Variants in TBC1D4 observed in about 807,000 individuals in gnomAD.
TBC1D4 encodes the protein TBC (Tre-2, BUB2, CDC16) domain-containing protein.
Under a neutral mutation model 142.5 loss-of-function variants are expected in TBC1D4, and 121 were observed. The ratio of observed to expected loss-of-function variants is 0.85; its 90% CI spans 0.73 to 0.99. The LOEUF (loss-of-function observed/expected upper bound fraction) is 0.99. Ranked by LOEUF, TBC1D4 falls within the 50% of genes least tolerant of loss-of-function variation. The pLI is 0.00. For missense variants in TBC1D4, 1,475 were observed against 1,606.6 expected (o/e 0.92, Z 1.40); for synonymous variants, 630 against 628.2 (o/e 1.00, Z -0.04).
chr13:75,400,352 A>T (rs1885021261), intron 1 of TBC1D4, among the ~76,000 whole-genome samples: 2 of 152,120 alleles, frequency 1.3e-5, no homozygotes, highest in South Asian at 4.1e-4. Context: ...GTAGCTTCCT[A>T]ATATACCCAT....
chr13:75,337,138 G>C (rs868860624), intron 7 of TBC1D4, 98 bp from the exon 8 acceptor site: 1 of 1,088,856 alleles, frequency 9.2e-7, no homozygotes, highest in Non-Finnish European at 1.4e-6. Flanking sequence ...AAAAACACAA[G>C]AATTCTTCAG....
chr13:75,304,666 G>A (rs572838802), intron 15 of TBC1D4, among the ~76,000 whole-genome samples: 71 of 152,208 alleles, frequency 4.7e-4, no homozygotes, highest in South Asian at 6.2e-4. Flanking sequence ...GGCTTAAAGC[G>A]CAGGCAGCAG....
intron 1 of TBC1D4, among the ~76,000 whole-genome samples, chr13:75,477,559 A>C (rs1414104334): frequency 1.3e-5 from 2 of 149,216 alleles, no homozygotes; most frequent in African/African-American, 5.2e-5. Flanking sequence ...GGCAAATGTT[A>C]ATTAAAAATT....
At chr13:75,381,340 T>C (rs1883836549) in intron 1 of TBC1D4, among the ~76,000 whole-genome samples, 1 of 152,198 alleles carries the variant, frequency 6.6e-6, no homozygotes, top group South Asian at 2.1e-4. Context: ...CACTCAGTCA[T>C]TCACTGTCGA....
At chr13:75,387,802 T>C (rs951058718) in intron 1 of TBC1D4, among the ~76,000 whole-genome samples, 9 of 152,226 alleles carry the variant, frequency 5.9e-5, no homozygotes, top group African/African-American at 2.2e-4. Context: ...TGGTGTTCCA[T>C]GTAAAAGAGG....
chr13:75,360,392 T>C (rs1882406346), intron 2 of TBC1D4, among the ~76,000 whole-genome samples: 2 of 152,084 alleles, frequency 1.3e-5, no homozygotes, highest in South Asian at 4.2e-4. Context: ...CTAGAGAGGC[T>C]TTAATGACAT....
chr13:75,387,521 T>G (rs1473806982), intron 1 of TBC1D4, among the ~76,000 whole-genome samples: 1 of 152,204 alleles, frequency 6.6e-6, no homozygotes, highest in East Asian at 1.9e-4. Flanking sequence ...GGGGAAATAT[T>G]GGTTCACTGA....
At chr13:75,402,666 C>CACACAG (rs1371078840) in intron 1 of TBC1D4, among the ~76,000 whole-genome samples, 1 of 136,028 alleles carries the variant, frequency 7.4e-6, no homozygotes, top group Non-Finnish European at 1.5e-5. Context: ...CACACACACA[C>CACACAG]ACACACACAC....
chr13:75,473,034 G>A (rs376485802), intron 1 of TBC1D4, among the ~76,000 whole-genome samples: 4 of 152,198 alleles, frequency 2.6e-5, no homozygotes, highest in South Asian at 2.1e-4. Flanking sequence ...GTAAGCTGTC[G>A]CCCAGGTTGG....
chr13:75,346,350 A>C (rs887241755), intron 5 of TBC1D4, among the ~76,000 whole-genome samples: 1 of 150,036 alleles, frequency 6.7e-6, no homozygotes, highest in Non-Finnish European at 1.5e-5. Flanking sequence ...CCCTGTGTCT[A>C]TGTGTTCTCA....
At position 75,475,408 on chromosome 13, in the gene TBC1D4, G is replaced by C. The variant is rs561341735; in HGVS notation, c.498+5862C>G. ...TCAGACATGCCAATGTAGTCTAAAG[G>C]AAAGGGGACTCTGAAACTACCAGCC... On this transcript the variant is annotated intron_variant, in intron 1 of 20. Coordinates refer to ENST00000377636, the MANE Select transcript of TBC1D4 (RefSeq NM_014832.5). Among the ~76,000 whole-genome samples the C allele has an allele frequency of 7.0e-4, 106 of 152,348 alleles. 2 individuals are homozygous for C. In the South Asian group the frequency reaches 0.022, roughly 32 times the overall value.
intron 1 of TBC1D4, among the ~76,000 whole-genome samples, chr13:75,398,717 G>T (rs1422685255): frequency 6.6e-6 from 1 of 152,172 alleles, no homozygotes; most frequent in African/African-American, 2.4e-5. Context: ...CTCAGCAAAA[G>T]ATTTTTACAG....
intron 11 of TBC1D4, among the ~76,000 whole-genome samples, chr13:75,321,946 G>A (rs1878815499): frequency 6.6e-6 from 1 of 152,216 alleles, no homozygotes; most frequent in Non-Finnish European, 1.5e-5. Context: ...AATATAGGCT[G>A]TATCATTCCA....
chr13:75,371,797 A>G (rs376461061), intron 1 of TBC1D4, among the ~76,000 whole-genome samples: 2 of 152,184 alleles, frequency 1.3e-5, no homozygotes, highest in South Asian at 2.1e-4. Context: ...CCATTAGGAG[A>G]AACTGGGAGC....
intron 1 of TBC1D4, among the ~76,000 whole-genome samples, chr13:75,417,869 A>T (rs75274163): frequency 6.6e-6 from 1 of 152,196 alleles, no homozygotes; most frequent in Non-Finnish European, 1.5e-5. Flanking sequence ...CTATGTTCAC[A>T]TCGTGCCAAT....
At chr13:75,309,157 G>C (rs995378533) in intron 14 of TBC1D4, among the ~76,000 whole-genome samples, 1 of 152,102 alleles carries the variant, frequency 6.6e-6, no homozygotes. Flanking sequence ...TTCAGGTTAA[G>C]TGATTTTCCC....
chr13:75,435,341 T>A (rs1174167530), intron 1 of TBC1D4, among the ~76,000 whole-genome samples: 16 of 126,222 alleles, frequency 1.3e-4, no homozygotes, highest in South Asian at 2.5e-4. Flanking sequence ...AAAAAAAAAA[T>A]ACATAATTAC....
At chr13:75,439,304 T>C (rs1593886611) in intron 1 of TBC1D4, among the ~76,000 whole-genome samples, 1 of 152,210 alleles carries the variant, frequency 6.6e-6, no homozygotes, top group African/African-American at 2.4e-5. Flanking sequence ...TAAGGCCAAG[T>C]GTTGTGATAA....
At chr13:75,391,741 C>A (rs1408857914) in intron 1 of TBC1D4, among the ~76,000 whole-genome samples, 1 of 152,190 alleles carries the variant, frequency 6.6e-6, no homozygotes, top group Non-Finnish European at 1.5e-5. Context: ...CAAGACCCTG[C>A]ACCATCTGAT....
Sources: gnomAD v4.1 joint callset for allele counts (sites outside exome capture counted in the v4.1 genomes callset) on GRCh38, gnomAD v4.1.1 for gene constraint, MANE v1.5 for transcripts, NCBI Gene and HGNC (gene_info 2026-07-23, HGNC 2026-07-21) for gene names.